The following FANCI variants were observed in gnomAD, a reference collection of about 807,000 sequenced individuals.
The protein encoded by FANCI is FA complementation group I, also known as Fanconi anemia group I protein.
A neutral mutation model predicts 176.1 loss-of-function variants in FANCI; 156 were observed. The ratio of observed to expected loss-of-function variants is 0.89; its 90% confidence interval spans 0.78 to 1.01. FANCI has a LOEUF of 1.01. FANCI is among the 50% of genes least tolerant of loss of function. The pLI, the probability that FANCI is intolerant of heterozygous loss-of-function variation, is 0.00. For missense variants in FANCI, 1,678 were observed against 1,534.1 expected, an observed-to-expected ratio of 1.09 and a Z score of -1.57; for synonymous variants, 613 against 541.7, an observed-to-expected ratio of 1.13 and a Z score of -1.83.
chr15:89,254,015 A>G (rs560519912), intron 2 of FANCI, among the ~76,000 whole-genome samples: 1 of 152,060 alleles, frequency 6.6e-6, no homozygotes, highest in Admixed American at 6.6e-5. Flanking sequence ...TTATGTGTAT[A>G]AACATGCATA....
chr15:89,301,127 C>G (rs527738078), intron 26 of FANCI, among the ~76,000 whole-genome samples, 199 bp from the exon 27 acceptor site: 1 of 152,328 alleles, frequency 6.6e-6, no homozygotes, highest in African/African-American at 2.4e-5. Context: ...CAGGAGCATT[C>G]TCAGAGAGGT....
At position 89,292,808 on chromosome 15, in the gene FANCI, A is replaced by G. The variant is rs1159938244; in HGVS notation, c.2113A>G (p.Ile705Val). The change falls in exon 21 of 38, where the codon ATA becomes GTA. Residue 705 changes from isoleucine to valine, a missense_variant. Ile to Val is a conservative substitution (Grantham distance 29). Coordinates refer to ENST00000310775, the MANE Select transcript of FANCI (RefSeq NM_001113378.2). The stretch of plus-strand genomic sequence containing the variant: ...GGCATTCTACGAAGACCTAGATGAT[A>G]TATTGGAGTCCATTACTAATAGAAT... ...EEAFYEDLDDILESITNRMIK... is the reference protein window; with the variant it reads ...EEAFYEDLDDVLESITNRMIK... 6.2e-7 allele frequency: 1 copy of G among 1,614,084 alleles called. No individual in the cohort carries two copies. Among genetic ancestry groups the G allele is most frequent in the East Asian group, 2.2e-5 (1 of 44,846 alleles).
chr15:89,257,595 T>C (rs2151202243), intron 2 of FANCI, among the ~76,000 whole-genome samples: 1 of 151,504 alleles, frequency 6.6e-6, no homozygotes, highest in East Asian at 1.9e-4. Context: ...GAGTTCCCCT[T>C]TTTATAAGGG....
At chr15:89,303,278 A>G (rs1333795299) in intron 27 of FANCI, among the ~76,000 whole-genome samples, 1 of 152,220 alleles carries the variant, frequency 6.6e-6, no homozygotes, top group Admixed American at 6.5e-5. Flanking sequence ...GTGCCTTTGT[A>G]GCTGAAAGAA....
intron 17 of FANCI, among the ~76,000 whole-genome samples, chr15:89,283,684 CTT>C (rs1212746739): frequency 6.6e-6 from 1 of 151,620 alleles, no homozygotes; most frequent in East Asian, 1.9e-4. Context: ...ATCTCTTTCT[CTT>C]TTTTAATGTG....
intron 18 of FANCI, among the ~76,000 whole-genome samples, chr15:89,287,182 C>T (rs923750070): frequency 6.6e-6 from 1 of 152,148 alleles, no homozygotes; most frequent in Middle Eastern, 3.4e-3. Context: ...ACCATGTTGG[C>T]CAGGATGGTC....
chr15:89,257,176 G>A (rs1192431542), intron 2 of FANCI, among the ~76,000 whole-genome samples: 2 of 152,154 alleles, frequency 1.3e-5, no homozygotes, highest in Non-Finnish European at 2.9e-5. Context: ...AAAGTGCTGG[G>A]ATTACAGGCA....
intron 27 of FANCI, among the ~76,000 whole-genome samples, chr15:89,302,515 T>G (rs2054560818): frequency 1.3e-5 from 2 of 152,160 alleles, no homozygotes; most frequent in South Asian, 4.1e-4. Flanking sequence ...AACTTTTAGA[T>G]TTTTAAACGT....
chr15:89,297,282 G>A (rs190413704), intron 24 of FANCI, among the ~76,000 whole-genome samples: 31 of 151,846 alleles, frequency 2.0e-4, no homozygotes, highest in Middle Eastern at 3.4e-3. Context: ...ATGGGATGGC[G>A]GCCGGGAAGA....
intron 2 of FANCI, among the ~76,000 whole-genome samples, chr15:89,249,508 C>T (rs983233018): frequency 1.1e-4 from 17 of 152,040 alleles, no homozygotes; most frequent in East Asian, 9.7e-4. Flanking sequence ...CCACCATGTC[C>T]GACTAATTTT....
chr15:89,289,718 ATT>A (rs879816431), intron 18 of FANCI, among the ~76,000 whole-genome samples: 5 of 143,408 alleles, frequency 3.5e-5, no homozygotes, highest in Admixed American at 7.0e-5. Flanking sequence ...TCTCCCCAGG[ATT>A]TTTTTTTTTT....
chr15:89,312,903 G>GAAT lies in FANCI; in HGVS notation c.3654_3656dup (p.Asn1218dup). 6.2e-7 allele frequency: 1 copy of GAAT among 1,612,146 alleles called. No homozygotes were observed. Among genetic ancestry groups the GAAT allele is most frequent in the Non-Finnish European group, 8.5e-7 (1 of 1,178,628 alleles). ...AAGAGAATGTGTTTCTATTTCTTTA[G>GAAT]AATAAGAGTAAGAGCCTGAACTATA... On this transcript the variant is annotated inframe_insertion and splice_region_variant. Coordinates refer to ENST00000310775, the MANE Select transcript of FANCI (RefSeq NM_001113378.2).
At chr15:89,276,595 C>G in intron 12 of FANCI, 116 bp from the exon 13 acceptor site, 3 of 1,074,712 alleles carry the variant, frequency 2.8e-6, no homozygotes, top group Non-Finnish European at 1.4e-6. Flanking sequence ...GGTTTATATG[C>G]AGAGTACGTT....
At chr15:89,304,573 A>G (rs2054641672) in intron 28 of FANCI, among the ~76,000 whole-genome samples, 1 of 152,200 alleles carries the variant, frequency 6.6e-6, no homozygotes, top group Non-Finnish European at 1.5e-5. Context: ...TTACACAGTA[A>G]TCTTAACTAA....
intron 27 of FANCI, among the ~76,000 whole-genome samples, chr15:89,303,634 C>T (rs1379474067): frequency 6.6e-6 from 1 of 152,142 alleles, no homozygotes; most frequent in Non-Finnish European, 1.5e-5. Context: ...AACTTTTGGA[C>T]CTCAGTAAGG....
intron 3 of FANCI, 136 bp downstream of exon 3, chr15:89,258,912 A>G (rs570784726): frequency 2.7e-6 from 2 of 728,002 alleles, no homozygotes; most frequent in African/African-American, 1.7e-5. Flanking sequence ...AATCAACTAC[A>G]GCAGCAGTTT....
chr15:89,285,139 A>G lies in FANCI; in HGVS notation c.1742A>G (p.Glu581Gly), dbSNP rs1262508273. ...AGCCATTACAATTCTGTCGCCAATGAAACTTTTTGCCTTGAGATCATGGAT... is the reference window on the plus strand; with the variant it reads ...AGCCATTACAATTCTGTCGCCAATGGAACTTTTTGCCTTGAGATCATGGAT... ...VHSHYNSVAN[E>G]TFCLEIMDSL... The change falls in exon 18 of 38, where the codon GAA becomes GGA. Residue 581 changes from glutamate to glycine, a missense_variant. Coordinates refer to ENST00000310775, the MANE Select transcript of FANCI (RefSeq NM_001113378.2). 1.8e-5 allele frequency: 29 copies of G among 1,614,182 alleles called. No homozygotes were observed. Among genetic ancestry groups the G allele is most frequent in the Non-Finnish European group, 2.5e-5 (29 of 1,180,036 alleles).
Position 89,313,974 on chromosome 15 carries a change from C to CACAT in FANCI, c.3721-635_3721-634insTACA, listed in dbSNP as rs1491150743. Among the ~76,000 whole-genome samples, 11 of 33,692 alleles carry CACAT rather than the reference C, an allele frequency of 3.3e-4. No individual in the cohort carries two copies. The East Asian group carries it at 5.5e-3, about 17-fold the overall frequency. 22.1% of individuals were successfully genotyped at this position (33,692 alleles called of 152,430 possible). On this transcript the variant is annotated intron_variant, in intron 35 of 37. Coordinates refer to ENST00000310775, the MANE Select transcript of FANCI (RefSeq NM_001113378.2). Reference sequence around the variant, plus strand: ...CACGTTAGGGGGAAAGATATATAATCACACACACACACACACACACACACA... The same window carrying CACAT: ...CACGTTAGGGGGAAAGATATATAATCACATACACACACACACACACACACACACA...
chr15:89,255,927 T>G (rs2052474935), intron 2 of FANCI, among the ~76,000 whole-genome samples: 1 of 152,352 alleles, frequency 6.6e-6, no homozygotes, highest in African/African-American at 2.4e-5. Context: ...TTAGGCTCTG[T>G]GCAAATTCTT....
Sources: allele counts gnomAD v4.1 joint callset (sites outside exome capture counted in the v4.1 genomes callset), GRCh38; gene constraint gnomAD v4.1.1; transcripts MANE v1.5; gene names NCBI Gene and HGNC (gene_info 2026-07-23, HGNC 2026-07-21).